Variants in GMDS observed in about 807,000 individuals in gnomAD.
The protein encoded by GMDS is GDP-mannose 4,6-dehydratase.
In GMDS, 20 loss-of-function variants were observed where a neutral mutation model predicts 49.9. That is an observed-to-expected ratio of 0.40 (90% confidence interval 0.28 to 0.58). GMDS has a LOEUF of 0.58. Among genes scored for constraint, GMDS ranks in the 20% least tolerant of loss-of-function variants. GMDS has a pLI of 0.42. For synonymous variants in GMDS, 177 were observed against 178.6 expected, an observed-to-expected ratio of 0.99 and a Z score of 0.07; for missense variants, 362 against 481.4, an observed-to-expected ratio of 0.75 and a Z score of 2.32.
intron 9 of GMDS, among the ~76,000 whole-genome samples, chr6:1,653,928 C>T (rs536578132): frequency 2.0e-4 from 31 of 152,126 alleles, no homozygotes; most frequent in Admixed American, 1.0e-3. Flanking sequence ...ATGGGCAACA[C>T]GAGTAAAAGC....
intron 7 of GMDS, among the ~76,000 whole-genome samples, chr6:1,779,684 C>T (rs1005781849): frequency 2.0e-5 from 3 of 152,132 alleles, no homozygotes; most frequent in Non-Finnish European, 4.4e-5. Context: ...AGCAGCTGCA[C>T]AAGCATGACT....
chr6:1,954,933 G>T (rs1432588549), intron 6 of GMDS, among the ~76,000 whole-genome samples: 1 of 152,038 alleles, frequency 6.6e-6, no homozygotes. Flanking sequence ...TGTCTTTTAT[G>T]GGTGCAGTTC....
intron 1 of GMDS, among the ~76,000 whole-genome samples, chr6:2,219,016 G>A (rs762569360): frequency 6.6e-6 from 1 of 152,134 alleles, no homozygotes; most frequent in Non-Finnish European, 1.5e-5. Flanking sequence ...AGGACCGCTT[G>A]AGCCCAGGAG....
intron 7 of GMDS, among the ~76,000 whole-genome samples, chr6:1,853,275 T>C (rs1000020145): frequency 2.6e-5 from 4 of 151,318 alleles, no homozygotes; most frequent in African/African-American, 9.7e-5. Flanking sequence ...TCCCAGCACT[T>C]TGGGAGGCCG....
rs146625727 is a variant in GMDS at position 2,074,877 on chromosome 6, C to T, written c.345+40894G>A. Among the ~76,000 whole-genome samples the T allele has an allele frequency of 4.8e-3, 735 of 152,116 alleles. 9 individuals carry two copies. Among genetic ancestry groups the T allele is most frequent in the African/African-American group, 0.017 (697 of 41,500 alleles). On this transcript the variant is annotated intron_variant, in intron 4 of 10. Transcript: ENST00000380815. ...TTCTGCATGTGGATATCCAATTTTC[C>T]CCAGAACCATTTATTGAAGAGGGTG...
At chr6:1,796,310 C>G (rs1769733172) in intron 7 of GMDS, among the ~76,000 whole-genome samples, 1 of 152,132 alleles carries the variant, frequency 6.6e-6, no homozygotes, top group South Asian at 2.1e-4. Flanking sequence ...TGAAACTTGT[C>G]ATTTTTCAGT....
chr6:2,158,709 G>C (rs1777230129), intron 1 of GMDS, among the ~76,000 whole-genome samples: 1 of 152,216 alleles, frequency 6.6e-6, no homozygotes, highest in Non-Finnish European at 1.5e-5. Context: ...AGTGGGGAAA[G>C]TTAGGATGGG....
chr6:1,786,797 T>C (rs528672497), intron 7 of GMDS, among the ~76,000 whole-genome samples: 1 of 125,110 alleles, frequency 8.0e-6, no homozygotes, highest in Admixed American at 7.9e-5. Context: ...CAGTAATTTG[T>C]GGTTTTTTTT....
chr6:2,214,842 C>A (rs1780246209), intron 1 of GMDS, among the ~76,000 whole-genome samples: 2 of 152,164 alleles, frequency 1.3e-5, no homozygotes, highest in Admixed American at 1.3e-4. Flanking sequence ...AAGTATTCCA[C>A]TAATCACTGA....
chr6:1,860,788 T>C (rs548691043), intron 7 of GMDS, among the ~76,000 whole-genome samples: 1 of 152,178 alleles, frequency 6.6e-6, no homozygotes, highest in African/African-American at 2.4e-5. Flanking sequence ...AATCCAAGGG[T>C]ACTTTAAGAA....
chr6:1,932,108 G>C (rs966344947), intron 6 of GMDS, among the ~76,000 whole-genome samples: 1 of 152,206 alleles, frequency 6.6e-6, no homozygotes, highest in African/African-American at 2.4e-5. Flanking sequence ...GAGTCTACCA[G>C]TGAGGTCATG....
At chr6:2,169,929 C>T (rs1240003921) in intron 1 of GMDS, among the ~76,000 whole-genome samples, 2 of 151,526 alleles carry the variant, frequency 1.3e-5, no homozygotes. Flanking sequence ...ACTGGCTGGG[C>T]GCGGTGGCTC....
intron 4 of GMDS, among the ~76,000 whole-genome samples, chr6:1,976,760 A>T (rs1485478711): frequency 2.6e-5 from 4 of 152,238 alleles, no homozygotes; most frequent in African/African-American, 9.6e-5. Flanking sequence ...AATAGAAACA[A>T]AAGGTATTCA....
chr6:2,226,672 C>T (rs1351946979), intron 1 of GMDS, among the ~76,000 whole-genome samples: 1 of 150,388 alleles, frequency 6.6e-6, no homozygotes, highest in African/African-American at 2.5e-5. Context: ...CTAATGAACT[C>T]TGATTCTACT....
chr6:1,875,954 G>A (rs1031979444), intron 7 of GMDS, among the ~76,000 whole-genome samples: 2 of 150,904 alleles, frequency 1.3e-5, no homozygotes, highest in Non-Finnish European at 2.9e-5. Flanking sequence ...GAAGGCAGAG[G>A]TTGCGGTGAG....
chr6:2,013,128 A>ACAGGG (rs1200411619), intron 4 of GMDS, among the ~76,000 whole-genome samples: 5 of 152,204 alleles, frequency 3.3e-5, no homozygotes, highest in African/African-American at 1.2e-4. Flanking sequence ...ACATTCATCA[A>ACAGGG]CAGGGCTTCC....
chr6:1,714,917 G>A (rs1308414827), intron 9 of GMDS, among the ~76,000 whole-genome samples: 3 of 152,244 alleles, frequency 2.0e-5, no homozygotes, highest in Non-Finnish European at 2.9e-5. Flanking sequence ...CTGTAATATG[G>A]CATCACCAGG....
intron 7 of GMDS, among the ~76,000 whole-genome samples, chr6:1,895,940 C>T (rs901504519): frequency 4.6e-5 from 7 of 152,086 alleles, no homozygotes; most frequent in African/African-American, 7.2e-5. Flanking sequence ...TATTACTTAC[C>T]GAGCCACAGT....
At chr6:2,241,362 T>G (rs1781605929) in intron 1 of GMDS, among the ~76,000 whole-genome samples, 1 of 152,220 alleles carries the variant, frequency 6.6e-6, no homozygotes. Flanking sequence ...AAGTTAAGAA[T>G]TTTAGGGACT....
Sources: allele counts gnomAD v4.1 joint callset (sites outside exome capture counted in the v4.1 genomes callset), GRCh38; gene constraint gnomAD v4.1.1; transcripts MANE v1.5; gene names NCBI Gene and HGNC (gene_info 2026-07-23, HGNC 2026-07-21).